The following SHISA6 variants were observed in gnomAD, a reference collection of about 807,000 sequenced individuals.
SHISA6 encodes the protein shisa family member 6.
Under a neutral mutation model 47.9 loss-of-function variants are expected in SHISA6, and 22 were observed. The ratio of observed to expected loss-of-function variants is 0.46; its 90% CI spans 0.33 to 0.66. SHISA6 has a LOEUF of 0.66. Ranked by LOEUF, SHISA6 falls within the 30% of genes least tolerant of loss-of-function variation. The probability of loss-of-function intolerance (pLI) is 0.02; values close to 1 mark genes in which losing one functional copy is unlikely to be tolerated. For synonymous variants in SHISA6, 388 were observed against 337.8 expected (o/e 1.15, Z -1.63); for missense variants, 680 against 764.6 (o/e 0.89, Z 1.30).
At chr17:11,364,312 C>T (rs1912377325) in intron 2 of SHISA6, among the ~76,000 whole-genome samples, 1 of 152,250 alleles carries the variant, frequency 6.6e-6, no homozygotes, top group Middle Eastern at 3.4e-3. Flanking sequence ...ACTATTCTGA[C>T]TTCTGTCATT....
intron 2 of SHISA6, among the ~76,000 whole-genome samples, chr17:11,279,223 A>G (rs1056835246): frequency 6.6e-6 from 1 of 152,168 alleles, no homozygotes; most frequent in African/African-American, 2.4e-5. Context: ...AAGCACTGTC[A>G]TCGTAGAAAG....
At chr17:11,259,025 T>C (rs545917611) in intron 1 of SHISA6, among the ~76,000 whole-genome samples, 1 of 151,984 alleles carries the variant, frequency 6.6e-6, no homozygotes, top group South Asian at 2.1e-4. Flanking sequence ...CAATGATGGA[T>C]GGAGTGTTTT....
chr17:11,304,823 G>A (rs1385544995), intron 2 of SHISA6, among the ~76,000 whole-genome samples: 3 of 152,122 alleles, frequency 2.0e-5, no homozygotes, highest in South Asian at 2.1e-4. Flanking sequence ...ATGAGGGCTC[G>A]GTGCCAGGCA....
rs113065506 is a variant in SHISA6 at position 11,254,630 on chromosome 17, T to A, written c.639-8736T>A. Among the ~76,000 whole-genome samples, 14 of 152,348 alleles carry A rather than the reference T, an allele frequency of 9.2e-5. 1 individual carries two copies. Among genetic ancestry groups the A allele is most frequent in the African/African-American group, 3.1e-4 (13 of 41,592 alleles). ...TCTAGGGCAGGGCTGCCCCTACCTC[T>A]GGAGGCAGTTGGTCTATTGTTAGGA... On this transcript the variant is annotated intron_variant, in intron 1 of 5. Transcript: ENST00000441885.
intron 3 of SHISA6, among the ~76,000 whole-genome samples, chr17:11,384,006 T>TTACA (rs111415174): frequency 7.2e-4 from 110 of 152,146 alleles, no homozygotes; most frequent in South Asian, 8.3e-4. Flanking sequence ...TACCAGGTCT[T>TTACA]TACATACATA....
At chr17:11,405,574 C>A (rs1849586) in intron 3 of SHISA6, among the ~76,000 whole-genome samples, 1 of 151,998 alleles carries the variant, frequency 6.6e-6, no homozygotes, top group Non-Finnish European at 1.5e-5. Flanking sequence ...GAGGCCGAGG[C>A]GGGTGGATCA....
chr17:11,242,019 C>G lies in SHISA6; in HGVS notation c.597C>G (p.Tyr199Ter). 9 of 1,550,982 alleles carry G rather than the reference C, an allele frequency of 5.8e-6. No homozygotes were observed. Among genetic ancestry groups the G allele is most frequent in the Non-Finnish European group, 7.8e-6 (9 of 1,146,990 alleles). The change falls in exon 1 of 6, where the codon TAC becomes TAG. Residue 199 changes from tyrosine (Y) to a stop codon, truncating the protein, a stop_gained. Transcript: ENST00000441885. LOFTEE classifies it high-confidence loss of function. ...CCGGCGTCTTCGCCAAGGTCTCCTA[C>G]GACAAGGCCCACCGCCCTCCACGGG... ...IVAGVFAKVS[Y>*]DKAHRPPREM...
At chr17:11,263,831 A>G (rs1908332697) in intron 2 of SHISA6, among the ~76,000 whole-genome samples, 1 of 152,188 alleles carries the variant, frequency 6.6e-6, no homozygotes, top group Admixed American at 6.5e-5. Flanking sequence ...GGGTATGGCC[A>G]TCCATTCGCC....
intron 2 of SHISA6, among the ~76,000 whole-genome samples, chr17:11,369,473 C>T (rs543976849): frequency 6.6e-6 from 1 of 152,314 alleles, no homozygotes; most frequent in South Asian, 2.1e-4. Context: ...ATAGGACGCT[C>T]AGTGTTTTTG....
chr17:11,536,429 C>T (rs1470758327), intron 3 of SHISA6, among the ~76,000 whole-genome samples: 2 of 152,204 alleles, frequency 1.3e-5, no homozygotes, highest in Non-Finnish European at 2.9e-5. Context: ...AAAGGTTGCA[C>T]ATTCTCAAAA....
chr17:11,468,954 T>C (rs946684926), intron 3 of SHISA6, among the ~76,000 whole-genome samples: 1 of 134,368 alleles, frequency 7.4e-6, no homozygotes, highest in Middle Eastern at 4.8e-3. Flanking sequence ...AGGTAGAGGT[T>C]GCAGTGAGCC....
At chr17:11,243,196 A>G (rs545908521) in intron 1 of SHISA6, among the ~76,000 whole-genome samples, 2 of 151,254 alleles carry the variant, frequency 1.3e-5, no homozygotes, top group East Asian at 3.9e-4. Context: ...TGTTATTCTT[A>G]CCACCTGAAA....
At chr17:11,389,154 T>G (rs2142254104) in intron 3 of SHISA6, among the ~76,000 whole-genome samples, 1 of 152,130 alleles carries the variant, frequency 6.6e-6, no homozygotes, top group East Asian at 2.0e-4. Context: ...ACCTCTAAGG[T>G]AGCACCACCA....
intron 3 of SHISA6, among the ~76,000 whole-genome samples, chr17:11,489,130 C>T (rs1181901783): frequency 1.3e-5 from 2 of 152,118 alleles, no homozygotes; most frequent in African/African-American, 2.4e-5. Flanking sequence ...CTCTTTAACT[C>T]TGGGTTACAG....
chr17:11,556,947 A>G (rs2874641), intron 5 of SHISA6, among the ~76,000 whole-genome samples: 65,417 of 151,968 alleles, frequency 0.43, 15,098 homozygotes, highest in African/African-American at 0.6. Context: ...TGCAAGTTCC[A>G]GGCAAATTCA....
chr17:11,377,987 G>T (rs775581727), intron 2 of SHISA6, among the ~76,000 whole-genome samples: 3 of 152,116 alleles, frequency 2.0e-5, no homozygotes, highest in Non-Finnish European at 4.4e-5. Flanking sequence ...TTGCTGTACC[G>T]GTCAACCCGT....
At chr17:11,342,041 T>C (rs925894736) in intron 2 of SHISA6, among the ~76,000 whole-genome samples, 15 of 152,038 alleles carry the variant, frequency 9.9e-5, no homozygotes, top group Non-Finnish European at 1.5e-5. Context: ...ATCTTGTCTC[T>C]CTGGCAAACT....
At chr17:11,480,930 T>A in intron 3 of SHISA6, among the ~76,000 whole-genome samples, 1 of 151,974 alleles carries the variant, frequency 6.6e-6, no homozygotes, top group East Asian at 1.9e-4. Flanking sequence ...ATTAAAAAAA[T>A]AGAGTATATA....
intron 3 of SHISA6, among the ~76,000 whole-genome samples, chr17:11,429,384 C>T (rs974385804): frequency 6.6e-6 from 1 of 152,144 alleles, no homozygotes; most frequent in Non-Finnish European, 1.5e-5. Context: ...GCATTTCACA[C>T]AGGTGTTAAT....
Sources: gnomAD v4.1 joint callset for allele counts (sites outside exome capture counted in the v4.1 genomes callset) on GRCh38, gnomAD v4.1.1 for gene constraint, MANE v1.5 for transcripts, NCBI Gene and HGNC (gene_info 2026-07-23, HGNC 2026-07-21) for gene names.